The following HHAT variants were observed in gnomAD, a reference collection of about 807,000 sequenced individuals.
HHAT encodes hedgehog acyltransferase.
A neutral mutation model predicts 70.8 loss-of-function variants in HHAT; 47 were observed. The observed-to-expected ratio is 0.66, with a 90% CI of 0.53 to 0.85. The LOEUF (loss-of-function observed/expected upper bound fraction) is 0.85, where lower values mean the gene tolerates loss of function less well. Among genes scored for constraint, HHAT ranks in the 40% least tolerant of loss-of-function variants. The probability of loss-of-function intolerance (pLI) is 0.00; values close to 1 mark genes in which losing one functional copy is unlikely to be tolerated. For missense variants in HHAT, 609 were observed against 604.8 expected (o/e 1.01, Z -0.07); for synonymous variants, 228 against 247.6 (o/e 0.92, Z 0.74).
intron 11 of HHAT, among the ~76,000 whole-genome samples, chr1:210,648,393 T>C (rs752296259): frequency 4.6e-5 from 7 of 152,228 alleles, no homozygotes; most frequent in Non-Finnish European, 8.8e-5. Context: ...TACGTTCAGC[T>C]GACGGAGACT....
At chr1:210,609,857 G>T (rs1319748050) in intron 10 of HHAT, among the ~76,000 whole-genome samples, 2 of 152,020 alleles carry the variant, frequency 1.3e-5, no homozygotes, top group Non-Finnish European at 1.5e-5. Context: ...TCTTTTTTGG[G>T]CTACATAGTA....
chr1:210,595,943 C>A (rs1030059635), intron 10 of HHAT, among the ~76,000 whole-genome samples: 6 of 151,992 alleles, frequency 3.9e-5, no homozygotes, highest in African/African-American at 1.5e-4. Flanking sequence ...ATGGTAGTTT[C>A]TTTTGCTGTG....
intron 2 of HHAT, among the ~76,000 whole-genome samples, chr1:210,349,938 A>G (rs2086867905): frequency 6.6e-6 from 1 of 152,210 alleles, no homozygotes; most frequent in African/African-American, 2.4e-5. Context: ...GGCGTGAGCC[A>G]CTGCACCCTG....
At chr1:210,619,230 C>G (rs1254587226) in intron 10 of HHAT, among the ~76,000 whole-genome samples, 2 of 152,126 alleles carry the variant, frequency 1.3e-5, no homozygotes, top group African/African-American at 4.8e-5. Context: ...ATGTGGACAA[C>G]TGGTCACCCC....
chr1:210,654,569 CTGAAAGGCAGCCTT>C (rs1343867717), intron 11 of HHAT, among the ~76,000 whole-genome samples: 2 of 152,238 alleles, frequency 1.3e-5, no homozygotes, highest in Admixed American at 1.3e-4. Context: ...CCTACCCCAA[CTGAAAGGCAGCCTT>C]TTAATCGCTG....
chr1:210,657,880 C>G (rs1287373991), intron 11 of HHAT, among the ~76,000 whole-genome samples: 1 of 152,190 alleles, frequency 6.6e-6, no homozygotes, highest in Non-Finnish European at 1.5e-5. Flanking sequence ...GTGGGCACTT[C>G]CGTCAATTGA....
intron 11 of HHAT, among the ~76,000 whole-genome samples, chr1:210,653,629 C>G (rs544134568): frequency 2.0e-4 from 31 of 151,848 alleles, no homozygotes; most frequent in African/African-American, 6.3e-4. Context: ...ACAGGAGATG[C>G]CTATAGGGGG....
intron 10 of HHAT, among the ~76,000 whole-genome samples, chr1:210,622,709 C>T (rs1387239811): frequency 2.0e-5 from 3 of 152,148 alleles, no homozygotes; most frequent in African/African-American, 2.4e-5. Flanking sequence ...GCAGTAGGCT[C>T]GGCTCACACT....
In HHAT at chr1:210,430,648, T is replaced by G. The variant is rs977353795; in HGVS notation, c.856+12323T>G. 2.6e-5 allele frequency among the ~76,000 whole-genome samples: 4 copies of G among 151,868 alleles called. No individual in the cohort carries two copies. In the South Asian group the frequency reaches 6.2e-4, roughly 24 times the overall value. On this transcript the variant is annotated intron_variant, in intron 7 of 11. Coordinates refer to ENST00000261458, the MANE Select transcript of HHAT (RefSeq NM_018194.6). ...GCTCAACATTTTGACAAAAAATCAC[T>G]GAATGACAGTTAAGAATCATTTCAG...
intron 8 of HHAT, among the ~76,000 whole-genome samples, chr1:210,481,793 T>C (rs973479365): frequency 6.6e-6 from 1 of 152,206 alleles, no homozygotes; most frequent in African/African-American, 2.4e-5. Context: ...TAATGAGGAT[T>C]GAGTGTCAAT....
At chr1:210,458,794 C>T (rs898486122) in intron 7 of HHAT, among the ~76,000 whole-genome samples, 3 of 152,096 alleles carry the variant, frequency 2.0e-5, no homozygotes, top group African/African-American at 7.2e-5. Context: ...TGGAATAGAG[C>T]TGAGAGGAGG....
chr1:210,435,983 A>C (rs1023993568), intron 7 of HHAT, among the ~76,000 whole-genome samples: 2 of 151,416 alleles, frequency 1.3e-5, no homozygotes, highest in East Asian at 3.9e-4. Flanking sequence ...CCATTTATCT[A>C]TTTTTCCTTT....
intron 1 of HHAT, among the ~76,000 whole-genome samples, chr1:210,333,185 G>T (rs2085151890): frequency 6.6e-6 from 1 of 152,224 alleles, no homozygotes; most frequent in African/African-American, 2.4e-5. Flanking sequence ...GACACTCACT[G>T]ATAGGATTTT....
intron 1 of HHAT, among the ~76,000 whole-genome samples, chr1:210,334,433 GGCATGA>G (rs1159611297): frequency 6.6e-6 from 1 of 151,960 alleles, no homozygotes. Flanking sequence ...TGGGATTACA[GGCATGA>G]GCCACCACAC....
intron 9 of HHAT, among the ~76,000 whole-genome samples, chr1:210,515,196 T>G (rs577502258): frequency 7.2e-5 from 11 of 152,334 alleles, no homozygotes; most frequent in African/African-American, 2.6e-4. Flanking sequence ...GTTTATTGCT[T>G]ATCCAACTGG....
intron 9 of HHAT, among the ~76,000 whole-genome samples, chr1:210,556,977 G>T (rs2095578559): frequency 6.6e-6 from 1 of 152,214 alleles, no homozygotes; most frequent in African/African-American, 2.4e-5. Flanking sequence ...AGAAATAGGG[G>T]ATGGGACCCA....
chr1:210,560,681 C>T (rs1383594890), intron 9 of HHAT, among the ~76,000 whole-genome samples: 1 of 150,764 alleles, frequency 6.6e-6, no homozygotes, highest in Non-Finnish European at 1.5e-5. Context: ...GTGATGGCAG[C>T]ACCTGTAGTC....
intron 1 of HHAT, among the ~76,000 whole-genome samples, chr1:210,331,148 TTATTTC>T (rs762041973): frequency 5.3e-5 from 8 of 152,110 alleles, no homozygotes; most frequent in African/African-American, 9.7e-5. Context: ...ATTGTGGACT[TTATTTC>T]TATTATTATT....
intron 10 of HHAT, among the ~76,000 whole-genome samples, chr1:210,602,241 C>T (rs1176612165): frequency 1.3e-5 from 2 of 151,964 alleles, no homozygotes; most frequent in Non-Finnish European, 2.9e-5. Context: ...GGCTTATGAT[C>T]CAGATGGAGA....
Sources: gnomAD v4.1 joint callset for allele counts (sites outside exome capture counted in the v4.1 genomes callset) on GRCh38, gnomAD v4.1.1 for gene constraint, MANE v1.5 for transcripts, NCBI Gene and HGNC (gene_info 2026-07-23, HGNC 2026-07-21) for gene names.